The following TRPC6 variants were observed in gnomAD, a reference collection of about 807,000 sequenced individuals.
TRPC6 encodes transient receptor potential cation channel subfamily C member 6, also known as short transient receptor potential channel 6.
TRPC6 carries 55 observed loss-of-function variants against 90.7 expected under a neutral mutation model. The observed-to-expected ratio is 0.61, with a 90% CI of 0.49 to 0.76. The LOEUF (loss-of-function observed/expected upper bound fraction) is 0.76. TRPC6 is among the 30% of genes least tolerant of loss of function. The probability of loss-of-function intolerance (pLI) is 0.00; values close to 1 mark genes in which losing one functional copy is unlikely to be tolerated. For missense variants in TRPC6, 989 were observed against 1,122.7 expected, an observed-to-expected ratio of 0.88 and a Z score of 1.70; for synonymous variants, 393 against 393.0, an observed-to-expected ratio of 1.00 and a Z score of 0.00.
chr11:101,578,230 T>C (rs920456735), intron 1 of TRPC6, among the ~76,000 whole-genome samples: 4 of 152,172 alleles, frequency 2.6e-5, no homozygotes, highest in Admixed American at 6.5e-5. Flanking sequence ...ATGAACATAG[T>C]TGCCAAAAAC....
chr11:101,576,522 A>G (rs988205000), intron 1 of TRPC6, among the ~76,000 whole-genome samples: 2 of 152,228 alleles, frequency 1.3e-5, no homozygotes, highest in African/African-American at 4.8e-5. Context: ...CTTGAGCAGC[A>G]TACCAAATTT....
intron 5 of TRPC6, among the ~76,000 whole-genome samples, chr11:101,477,217 G>A (rs1859438067): frequency 6.6e-6 from 1 of 150,912 alleles, no homozygotes; most frequent in African/African-American, 2.4e-5. Flanking sequence ...CTTCCTGCCT[G>A]CTCTCTGTCC....
At chr11:101,523,185 G>A (rs575267319) in intron 1 of TRPC6, among the ~76,000 whole-genome samples, 44 of 152,140 alleles carry the variant, frequency 2.9e-4, no homozygotes, top group Admixed American at 1.6e-3. Context: ...CAGATTTAAG[G>A]TAAACTGAGT....
At chr11:101,482,903 C>A in intron 5 of TRPC6, 46 bp downstream of exon 5, 1 of 1,587,786 alleles carries the variant, frequency 6.3e-7, no homozygotes, top group South Asian at 1.1e-5. Flanking sequence ...TTCAGTCCAA[C>A]TGCTAAGACT....
At chr11:101,580,192 G>A (rs971817091) in intron 1 of TRPC6, among the ~76,000 whole-genome samples, 14 of 152,016 alleles carry the variant, frequency 9.2e-5, no homozygotes, top group African/African-American at 3.4e-4. Context: ...TGTGTTTTCA[G>A]ATCCTGAGAT....
chr11:101,464,227 T>A (rs1859084453), intron 10 of TRPC6, among the ~76,000 whole-genome samples: 1 of 152,224 alleles, frequency 6.6e-6, no homozygotes, highest in African/African-American at 2.4e-5. Context: ...GTGGTCAGTT[T>A]TAGAATAAGT....
intron 1 of TRPC6, among the ~76,000 whole-genome samples, chr11:101,558,863 A>G (rs1861648480): frequency 6.6e-6 from 1 of 152,172 alleles, no homozygotes; most frequent in Admixed American, 6.6e-5. Flanking sequence ...ATATGCAAAC[A>G]TCAACTCAAA....
At chr11:101,538,104 C>A (rs536942548) in intron 1 of TRPC6, among the ~76,000 whole-genome samples, 16 of 151,858 alleles carry the variant, frequency 1.1e-4, no homozygotes, top group African/African-American at 3.6e-4. Flanking sequence ...TTTAAAATCT[C>A]TTCATTTTTA....
intron 6 of TRPC6, 113 bp from the exon 7 acceptor site, chr11:101,473,886 A>C: frequency 6.9e-7 from 1 of 1,457,758 alleles, no homozygotes; most frequent in Non-Finnish European, 9.5e-7. Flanking sequence ...TTTCGAATGG[A>C]AGTCTCCTAT....
chr11:101,577,583 T>C (rs993453132), intron 1 of TRPC6, among the ~76,000 whole-genome samples: 1 of 152,096 alleles, frequency 6.6e-6, no homozygotes, highest in Non-Finnish European at 1.5e-5. Flanking sequence ...GGGGAGGCAG[T>C]CATTCTTCAG....
At chr11:101,513,236 C>T (rs1860437975) in intron 1 of TRPC6, among the ~76,000 whole-genome samples, 1 of 152,222 alleles carries the variant, frequency 6.6e-6, no homozygotes, top group Non-Finnish European at 1.5e-5. Flanking sequence ...ATGGGCTGAA[C>T]TCAGACTAGT....
chr11:101,579,506 C>CATATCTTT (rs1862145963), intron 1 of TRPC6, among the ~76,000 whole-genome samples: 1 of 152,120 alleles, frequency 6.6e-6, no homozygotes, highest in African/African-American at 2.4e-5. Flanking sequence ...TTATAGCAAG[C>CATATCTTT]ATATCTTTAG....
At chr11:101,578,717 C>T (rs1431101624) in intron 1 of TRPC6, among the ~76,000 whole-genome samples, 6 of 152,052 alleles carry the variant, frequency 3.9e-5, no homozygotes, top group East Asian at 3.9e-4. Context: ...ACATATCCAT[C>T]GGAGACCTTA....
At chr11:101,488,814 A>T in intron 4 of TRPC6, 123 bp downstream of exon 4, 2 of 1,085,170 alleles carry the variant, frequency 1.8e-6, no homozygotes, top group East Asian at 4.8e-5. Context: ...GTAATGTTAA[A>T]AACAATAAAG....
chr11:101,561,120 T>C (rs1861702196), intron 1 of TRPC6, among the ~76,000 whole-genome samples: 1 of 151,996 alleles, frequency 6.6e-6, no homozygotes. Flanking sequence ...ACATTCATAG[T>C]GTATCCTTGA....
At chr11:101,488,867 GAGATA>G in intron 4 of TRPC6, 65 bp downstream of exon 4, 1 of 1,569,378 alleles carries the variant, frequency 6.4e-7, no homozygotes, top group Non-Finnish European at 8.7e-7. Context: ...TTTCACTTTG[GAGATA>G]AGATTTTTCC....
intron 1 of TRPC6, among the ~76,000 whole-genome samples, chr11:101,523,983 C>A (rs945052757): frequency 1.3e-5 from 2 of 152,188 alleles, no homozygotes; most frequent in Non-Finnish European, 2.9e-5. Flanking sequence ...ATTATAATGG[C>A]TGTTAATTTA....
At chr11:101,482,826 T>G (rs888278030) in intron 5 of TRPC6, 123 bp downstream of exon 5, 4 of 1,025,106 alleles carry the variant, frequency 3.9e-6, no homozygotes, top group Non-Finnish European at 4.5e-6. Flanking sequence ...AAGAAAATTA[T>G]GATGTGTGGT....
rs531107592 is a variant in TRPC6, at chr11:101,465,635, C to T, written c.2484+3792G>A. On this transcript the variant is annotated intron_variant, in intron 10 of 12. Transcript: ENST00000344327. ...GTTTTCGTGCTGTGTTTTTCAGCTC[C>T]ATCAGGTCATATATGTTCTTCTTTA... Among the ~76,000 whole-genome samples the T allele has an allele frequency of 5.9e-5, 9 of 152,236 alleles. No homozygotes were observed. The East Asian group carries it at 1.2e-3, about 20-fold the overall frequency.
Sources: allele counts gnomAD v4.1 joint callset (sites outside exome capture counted in the v4.1 genomes callset), GRCh38; gene constraint gnomAD v4.1.1; transcripts MANE v1.5; gene names NCBI Gene and HGNC (gene_info 2026-07-23, HGNC 2026-07-21).